Variants in CMIP observed in about 807,000 individuals in gnomAD.
The protein encoded by CMIP is C-Maf-inducing protein.
In CMIP, 13 loss-of-function variants were observed where a neutral mutation model predicts 97.3. The ratio of observed to expected loss-of-function variants is 0.13; its 90% confidence interval spans 0.09 to 0.21. CMIP has a LOEUF of 0.21. Ranked by LOEUF, CMIP falls within the 10% of genes least tolerant of loss-of-function variation. CMIP has a pLI of 1.00. For missense variants in CMIP, 847 were observed against 1,024.9 expected, an observed-to-expected ratio of 0.83 and a Z score of 2.37; for synonymous variants, 538 against 436.3, an observed-to-expected ratio of 1.23 and a Z score of -2.91.
chr16:81,564,101 C>T (rs943585244), intron 1 of CMIP, among the ~76,000 whole-genome samples: 3 of 152,220 alleles, frequency 2.0e-5, no homozygotes, highest in Non-Finnish European at 4.4e-5. Flanking sequence ...GCCACTGGGG[C>T]AGGTAGGACA....
chr16:81,579,926 AGCCC>A (rs1157617287), intron 1 of CMIP, among the ~76,000 whole-genome samples: 7 of 152,240 alleles, frequency 4.6e-5, no homozygotes, highest in African/African-American at 1.7e-4. Flanking sequence ...ACTGCACTCC[AGCCC>A]GCCTGGGCGA....
chr16:81,668,526 C>T (rs1445575209), intron 7 of CMIP, among the ~76,000 whole-genome samples: 1 of 152,170 alleles, frequency 6.6e-6, no homozygotes, highest in Non-Finnish European at 1.5e-5. Flanking sequence ...AGCACGGCAG[C>T]CACCACATAT....
intron 17 of CMIP, chr16:81,703,731 A>G (rs144553447): frequency 7.1e-4 from 436 of 612,122 alleles, no homozygotes; most frequent in Non-Finnish European, 4.7e-4. Context: ...GCTGTCGTCC[A>G]TGGGATGCGT....
chr16:81,497,299 A>G (rs945275474), intron 1 of CMIP, among the ~76,000 whole-genome samples: 4 of 152,082 alleles, frequency 2.6e-5, no homozygotes, highest in African/African-American at 9.7e-5. Context: ...TGTTTTTCAT[A>G]CCTTGTATTG....
chr16:81,506,897 T>C (rs1597486136), intron 1 of CMIP, among the ~76,000 whole-genome samples: 1 of 123,294 alleles, frequency 8.1e-6, no homozygotes. Flanking sequence ...AGAGCGAGAC[T>C]CCGTCTCAAA....
chr16:81,509,142 G>T (rs1386058456), intron 1 of CMIP, among the ~76,000 whole-genome samples: 1 of 152,204 alleles, frequency 6.6e-6, no homozygotes, highest in African/African-American at 2.4e-5. Flanking sequence ...ATTCATTCAG[G>T]TGTCTGCAGG....
At chr16:81,591,254 C>A (rs2091462799) in intron 1 of CMIP, among the ~76,000 whole-genome samples, 1 of 152,132 alleles carries the variant, frequency 6.6e-6, no homozygotes, top group Admixed American at 6.5e-5. Flanking sequence ...TGTCTTTGAG[C>A]AGTTGACCCA....
At chr16:81,504,822 G>T (rs923423835) in intron 1 of CMIP, among the ~76,000 whole-genome samples, 1 of 152,170 alleles carries the variant, frequency 6.6e-6, no homozygotes, top group Non-Finnish European at 1.5e-5. Flanking sequence ...AAGAGTGAGG[G>T]TGTGGAACCC....
intron 1 of CMIP, among the ~76,000 whole-genome samples, chr16:81,580,290 T>A (rs1336001161): frequency 6.6e-6 from 1 of 152,202 alleles, no homozygotes; most frequent in African/African-American, 2.4e-5. Flanking sequence ...CTCCCGGCTC[T>A]GGAGCCTGTT....
At chr16:81,514,190 A>T (rs1487923501) in intron 1 of CMIP, among the ~76,000 whole-genome samples, 5 of 152,126 alleles carry the variant, frequency 3.3e-5, no homozygotes, top group African/African-American at 1.2e-4. Context: ...TGAGGAATGG[A>T]TTTGCATCTG....
At chr16:81,541,808 A>C (rs2090454288) in intron 1 of CMIP, among the ~76,000 whole-genome samples, 1 of 152,236 alleles carries the variant, frequency 6.6e-6, no homozygotes. Flanking sequence ...ATCAGGCATC[A>C]GGCATGCGTT....
chr16:81,569,972 C>G (rs891025744), intron 1 of CMIP, among the ~76,000 whole-genome samples: 2 of 151,964 alleles, frequency 1.3e-5, no homozygotes, highest in Non-Finnish European at 2.9e-5. Flanking sequence ...TTCATTCATT[C>G]ATTCAGCTTT....
rs1269922087 is a variant in CMIP, at chr16:81,668,949, A to ACTCACGG, written c.826-1192_826-1191insTCACGGC. Among the ~76,000 whole-genome samples the ACTCACGG allele has an allele frequency of 4.4e-5, 5 of 114,342 alleles. No homozygotes were observed. In the East Asian group the frequency reaches 7.9e-4, roughly 18 times the overall value. The allele number at this position is 114,342 out of a possible 152,430, so 75.0% of individuals were successfully genotyped here. A position where few individuals can be genotyped will look rare whatever the true frequency, so the allele number is the denominator to read the frequency against. On this transcript the variant is annotated intron_variant, in intron 7 of 20. Coordinates refer to ENST00000537098, the MANE Select transcript of CMIP (RefSeq NM_198390.3). ...TCACGGCCTTCCACACCCACCTCACACCTTCCACACCCACCTCACACTCCT... is the reference window on the plus strand; with the variant it reads ...TCACGGCCTTCCACACCCACCTCACACTCACGGCCTTCCACACCCACCTCACACTCCT...
chr16:81,549,134 T>C (rs1186830149), intron 1 of CMIP, among the ~76,000 whole-genome samples: 1 of 152,228 alleles, frequency 6.6e-6, no homozygotes, highest in Non-Finnish European at 1.5e-5. Context: ...GCTTTTCTGA[T>C]GATTTGTCAC....
intron 1 of CMIP, among the ~76,000 whole-genome samples, chr16:81,474,845 G>C (rs969648816): frequency 1.3e-5 from 2 of 151,284 alleles, no homozygotes; most frequent in East Asian, 3.9e-4. Context: ...TGGCTGCCCT[G>C]CCTCCAGCCA....
chr16:81,709,928 T>TGG lies in CMIP; in HGVS notation c.*133_*134dup. The TGG allele has an allele frequency of 4.6e-4, 3 of 6,562 alleles. No individual in the cohort carries two copies. The highest frequency in any genetic ancestry group is 1.2e-3 in the South Asian group (1 of 864). 0.4% of individuals were successfully genotyped at this position (6,562 alleles called of 1,614,324 possible). ...CTGTGAGATAGATGGGGAGTCTTTC[T>TGG]GGGGGCGGAGGGGGGAGGGGGTGGG... is the stretch of plus-strand genomic sequence containing the variant. On this transcript the variant is annotated 3_prime_UTR_variant, in exon 21 of 21. Transcript: ENST00000537098.
chr16:81,536,002 A>C (rs2090335825), intron 1 of CMIP, among the ~76,000 whole-genome samples: 1 of 151,810 alleles, frequency 6.6e-6, no homozygotes, highest in Non-Finnish European at 1.5e-5. Context: ...GTGACAAGGG[A>C]CCTCTTGTCT....
intron 10 of CMIP, among the ~76,000 whole-genome samples, chr16:81,682,435 C>T (rs1175913154): frequency 1.3e-5 from 2 of 151,864 alleles, no homozygotes; most frequent in Non-Finnish European, 2.9e-5. Flanking sequence ...CGTGGTGGCA[C>T]ATGCCCATAA....
At chr16:81,661,072 A>G (rs1043573457) in intron 6 of CMIP, 126 bp downstream of exon 6, 1 of 1,147,742 alleles carries the variant, frequency 8.7e-7, no homozygotes, top group Non-Finnish European at 1.3e-6. Context: ...ACGGTCCCAG[A>G]CACAGGCGGA....
Sources: allele counts gnomAD v4.1 joint callset (sites outside exome capture counted in the v4.1 genomes callset), GRCh38; gene constraint gnomAD v4.1.1; transcripts MANE v1.5; gene names NCBI Gene and HGNC (gene_info 2026-07-23, HGNC 2026-07-21).